Variants in TBC1D32 observed in about 807,000 individuals in gnomAD.
TBC1D32 encodes the protein protein broad-minded.
A neutral mutation model predicts 170.3 loss-of-function variants in TBC1D32; 151 were observed. The observed-to-expected ratio is 0.89, with a 90% CI of 0.78 to 1.01. TBC1D32 has a LOEUF of 1.01. Among genes scored for constraint, TBC1D32 ranks in the 50% least tolerant of loss-of-function variants. The pLI is 0.00. For synonymous variants in TBC1D32, 498 were observed against 488.0 expected (o/e 1.02, Z -0.27); for missense variants, 1,464 against 1,457.1 (o/e 1.00, Z -0.08).
rs566919327 is a variant in TBC1D32 at position 121,328,360 on chromosome 6, T to A, written c.155+5916A>T. Among the ~76,000 whole-genome samples the A allele has an allele frequency of 2.3e-3, 344 of 152,038 alleles. 1 individual carries two copies. The highest frequency in any genetic ancestry group is 8.0e-3 in the African/African-American group (332 of 41,476). ...GAGTGCAGTGACGCGATCTCGGCTC[T>A]CTGCAAGCTCCGCCTCCCAGGTTCA... On this transcript the variant is annotated intron_variant, in intron 1 of 31. Coordinates refer to ENST00000398212, the MANE Select transcript of TBC1D32 (RefSeq NM_152730.6).
chr6:121,212,535 A>G (rs1793219374), intron 21 of TBC1D32, among the ~76,000 whole-genome samples: 1 of 148,692 alleles, frequency 6.7e-6, no homozygotes, highest in South Asian at 2.1e-4. Context: ...GCTCACTGCA[A>G]TCTCTGCCTC....
intron 15 of TBC1D32, among the ~76,000 whole-genome samples, chr6:121,256,797 G>A (rs1056303910): frequency 4.6e-5 from 7 of 151,800 alleles, no homozygotes; most frequent in Admixed American, 3.3e-4. Context: ...AGCCTCCTGA[G>A]TAGCTGGGAT....
At chr6:121,263,268 GA>G (rs968101889) in intron 15 of TBC1D32, among the ~76,000 whole-genome samples, 5 of 151,348 alleles carry the variant, frequency 3.3e-5, no homozygotes, top group African/African-American at 9.7e-5. Context: ...ATGGAGAGCA[GA>G]AAAAAAGCAG....
At chr6:121,304,137 AT>A (rs1209284532) in intron 8 of TBC1D32, among the ~76,000 whole-genome samples, 8 of 150,508 alleles carry the variant, frequency 5.3e-5, no homozygotes, top group East Asian at 1.9e-4. Flanking sequence ...CTAATGCTAC[AT>A]TTTTTTTACC....
At chr6:121,197,060 CT>C (rs771967368) in intron 22 of TBC1D32, among the ~76,000 whole-genome samples, 15 of 152,160 alleles carry the variant, frequency 9.9e-5, no homozygotes, top group Non-Finnish European at 1.6e-4. Context: ...CACCTGGATA[CT>C]TTGGGTTTCT....
At chr6:121,107,418 A>G (rs1161790004) in intron 29 of TBC1D32, among the ~76,000 whole-genome samples, 1 of 151,960 alleles carries the variant, frequency 6.6e-6, no homozygotes, top group African/African-American at 2.4e-5. Flanking sequence ...ATATTTATGA[A>G]GGTTTCTCCA....
At chr6:121,084,008 T>C (rs1427992805) in intron 31 of TBC1D32, among the ~76,000 whole-genome samples, 1 of 152,096 alleles carries the variant, frequency 6.6e-6, no homozygotes, top group Non-Finnish European at 1.5e-5. Flanking sequence ...CTCTGAGATC[T>C]TGCACTTGCC....
intron 12 of TBC1D32, among the ~76,000 whole-genome samples, chr6:121,289,389 C>T (rs894826987): frequency 6.6e-6 from 1 of 152,182 alleles, no homozygotes; most frequent in Non-Finnish European, 1.5e-5. Flanking sequence ...CATGAGTGAA[C>T]TCCCATTCAC....
At chr6:121,244,745 A>T (rs1023663971) in intron 17 of TBC1D32, among the ~76,000 whole-genome samples, 2 of 152,208 alleles carry the variant, frequency 1.3e-5, no homozygotes, top group Non-Finnish European at 2.9e-5. Flanking sequence ...CAGTATGCTA[A>T]ATTTATATGA....
intron 1 of TBC1D32, 21 bp downstream of exon 1, chr6:121,334,255 A>C: frequency 6.2e-7 from 1 of 1,610,708 alleles, no homozygotes; most frequent in Non-Finnish European, 8.5e-7. Flanking sequence ...TATAGGCTTA[A>C]AACATCAAAA....
rs1488006645 is a variant in TBC1D32 at position 121,334,458 on chromosome 6, T to G, written c.-28A>C. ...TGTTGGAATCAAACGTCCACTCTCA[T>G]TACTCCAGGTCCGAGCAAAAGCCGC... is the stretch of plus-strand genomic sequence containing the variant. On this transcript the variant is annotated 5_prime_UTR_variant, in exon 1 of 32. An upstream start codon of the reference 5' UTR is lost. Transcript: ENST00000398212. 1.9e-6 allele frequency: 3 copies of G among 1,603,496 alleles called. No homozygotes were observed. The highest frequency in any genetic ancestry group is 4.5e-5 in the East Asian group (2 of 44,336).
In TBC1D32 at chr6:121,126,380, G is replaced by A. The variant is rs763851253; in HGVS notation, c.2981C>T (p.Thr994Ile). ...ACTTCACAATGTTTAAAATGTACCTGTATACTCCACTGAAGGGAAGTAGCA... is the reference window on the plus strand; with the variant it reads ...ACTTCACAATGTTTAAAATGTACCTATATACTCCACTGAAGGGAAGTAGCA... ...SECYFPSVEY[T>I]ATDANVKNES... The change falls in exon 26 of 32, where the codon ACA becomes ATA. Residue 994 changes from threonine (T) to isoleucine (I), a missense_variant and splice_region_variant. Thr to Ile is a moderately conservative substitution (Grantham distance 89). This residue lies in a region of TBC1D32 where 1,363 missense variants were observed against 1,338.1 expected (regional missense o/e 1.02). Transcript: ENST00000398212. 2 of 1,608,716 alleles carry A rather than the reference G, an allele frequency of 1.2e-6. No individual in the cohort carries two copies. Among genetic ancestry groups the A allele is most frequent in the East Asian group, 2.2e-5 (1 of 44,732 alleles).
At chr6:121,176,931 G>A (rs1396989969) in intron 22 of TBC1D32, among the ~76,000 whole-genome samples, 2 of 152,020 alleles carry the variant, frequency 1.3e-5, no homozygotes, top group African/African-American at 2.4e-5. Context: ...ATCAAAACAC[G>A]GCATCATAGG....
intron 24 of TBC1D32, among the ~76,000 whole-genome samples, chr6:121,139,495 G>A (rs2128224156): frequency 6.6e-6 from 1 of 152,192 alleles, no homozygotes; most frequent in African/African-American, 2.4e-5. Context: ...CTTAATTTCT[G>A]AAAAGGCAGA....
At chr6:121,268,560 G>A (rs532868999) in intron 15 of TBC1D32, among the ~76,000 whole-genome samples, 1 of 152,234 alleles carries the variant, frequency 6.6e-6, no homozygotes, top group Non-Finnish European at 1.5e-5. Context: ...GAAGTTTAGA[G>A]AAAAGGACTA....
chr6:121,128,220 G>A (rs950108746), intron 25 of TBC1D32, among the ~76,000 whole-genome samples: 12 of 152,184 alleles, frequency 7.9e-5, no homozygotes, highest in Non-Finnish European at 1.5e-4. Flanking sequence ...TATTCATTTT[G>A]CCCAGCAACC....
chr6:121,257,243 C>T (rs1799163718), intron 15 of TBC1D32, among the ~76,000 whole-genome samples: 1 of 150,918 alleles, frequency 6.6e-6, no homozygotes, highest in Admixed American at 6.6e-5. Flanking sequence ...GTTTCGTTTC[C>T]TTTTTTTTTC....
At chr6:121,138,848 C>CT (rs528895925) in intron 24 of TBC1D32, among the ~76,000 whole-genome samples, 14,302 of 143,544 alleles carry the variant, frequency 0.1, 948 homozygotes, top group Admixed American at 0.24. Context: ...TATTATTTTT[C>CT]TTTTTTTTTT....
chr6:121,334,532 G>A, upstream of TBC1D32: 1 of 1,399,876 alleles, frequency 7.1e-7, no homozygotes, highest in Non-Finnish European at 9.6e-7. Flanking sequence ...GCTACGTGCG[G>A]CGTCGTTCCC....
Sources: gnomAD v4.1 joint callset for allele counts (sites outside exome capture counted in the v4.1 genomes callset) on GRCh38, gnomAD v4.1.1 for gene constraint, gnomAD v4.1.1 regional missense constraint, MANE v1.5 for transcripts, NCBI Gene and HGNC (gene_info 2026-07-23, HGNC 2026-07-21) for gene names.